The following BCL6 variants were observed in gnomAD, a reference collection of about 807,000 sequenced individuals.
BCL6 encodes BCL6 transcription repressor.
A neutral mutation model predicts 59.5 loss-of-function variants in BCL6; 7 were observed. That is an observed-to-expected ratio of 0.12 (90% CI 0.07 to 0.22). The LOEUF (loss-of-function observed/expected upper bound fraction) is 0.22. Ranked by LOEUF, BCL6 falls within the 10% of genes least tolerant of loss-of-function variation. The pLI is 1.00. For synonymous variants in BCL6, 339 were observed against 349.7 expected (o/e 0.97, Z 0.34); for missense variants, 685 against 939.4 (o/e 0.73, Z 3.54).
At chr3:187,724,822 T>G in intron 9 of BCL6, 119 bp downstream of exon 9, 2 of 1,418,618 alleles carry the variant, frequency 1.4e-6, no homozygotes, top group Non-Finnish European at 9.6e-7. Context: ...ACTGTGTGCT[T>G]GAGATGGGAG....
chr3:187,729,123 G>A lies in BCL6; in HGVS notation c.1282C>T (p.Pro428Ser), dbSNP rs1718882017. The A allele has an allele frequency of 1.3e-6, 2 of 1,581,116 alleles. No homozygotes were observed. The highest frequency in any genetic ancestry group is 1.4e-5 in the African/African-American group (1 of 73,990). ...TCCCCGCTGGCACTCAGCTTGGTTG[G>A]GGACTGGAGGTCAAGGTTCTCAGGC... ...MEPENLDLQS[P>S]TKLSASGEDS... The change falls in exon 5 of 10, where the codon CCA becomes TCA. Residue 428 changes from proline (P) to serine (S), a missense_variant. This residue lies in a region of BCL6 where 207 missense variants were observed against 213.7 expected (regional missense o/e 0.97). Transcript: ENST00000406870. This position sits in a 1 kb window ranked among gnomAD's most constrained non-coding sequence, Gnocchi z 5.6.
chr3:187,735,922 G>T lies in BCL6; in HGVS notation c.-49-1015C>A, dbSNP rs187707015. On this transcript the variant is annotated intron_variant, in intron 1 of 9. Coordinates refer to ENST00000406870, the MANE Select transcript of BCL6 (RefSeq NM_001706.5). ...CAAGGTCATGTTGGGCCATGTACAT[G>T]GTTGGTGACCCGGCCCTAGGTCTTC... Among the ~76,000 whole-genome samples the T allele has an allele frequency of 6.4e-3, 973 of 152,138 alleles. 2 individuals are homozygous for T. The highest frequency in any genetic ancestry group is 9.4e-3 in the Non-Finnish European group (639 of 68,018).
chr3:187,726,685 C>T lies in BCL6; in HGVS notation c.1708+46G>A, dbSNP rs763136543. ...TCTCTAGGATCCTCTCCCTGTCCTGCCCCAATAATTGTGGAGAGTTCGGGT... is the reference window on the plus strand; with the variant it reads ...TCTCTAGGATCCTCTCCCTGTCCTGTCCCAATAATTGTGGAGAGTTCGGGT... On this transcript the variant is annotated intron_variant, in intron 7 of 9. Coordinates refer to ENST00000406870, the MANE Select transcript of BCL6 (RefSeq NM_001706.5). 5.6e-6 allele frequency: 9 copies of T among 1,599,896 alleles called. No homozygotes were observed. The South Asian group carries it at 1.0e-4, about 18-fold the overall frequency.
At chr3:187,726,946 G>A in intron 6 of BCL6, 48 bp from the exon 7 acceptor site, 5 of 1,601,404 alleles carry the variant, frequency 3.1e-6, no homozygotes, top group Non-Finnish European at 4.3e-6. Flanking sequence ...GAGGAAGGGA[G>A]GTAGGGCTCT....
rs1718893624 is a variant in BCL6 at position 187,729,219 on chromosome 3, C to G, written c.1186G>C (p.Glu396Gln). The G allele has an allele frequency of 1.2e-6, 2 of 1,614,022 alleles. No individual in the cohort carries two copies. The highest frequency in any genetic ancestry group is 8.5e-7 in the Non-Finnish European group (1 of 1,180,032). ...LNQNAKPEGPEQAELGRLSPR... is the reference protein window; with the variant it reads ...LNQNAKPEGPQQAELGRLSPR... ...GAAAGGCGGCCCAGCTCAGCCTGCT[C>G]AGGCCCCTCTGGTTTGGCATTCTGG... The change falls in exon 5 of 10, where the codon GAG becomes CAG. Residue 396 changes from glutamate to glutamine, a missense_variant. Around this residue, in one of 7 missense-constraint regions of BCL6, gnomAD observed 207 missense variants for 213.7 expected, o/e 0.97. Transcript: ENST00000406870. The surrounding 1 kb of genome is among the most constrained non-coding windows in gnomAD (Gnocchi z 5.6).
intron 1 of BCL6, among the ~76,000 whole-genome samples, chr3:187,744,881 A>C (rs577764174): frequency 6.6e-6 from 1 of 152,238 alleles, no homozygotes; most frequent in Non-Finnish European, 1.5e-5. Context: ...AGAGATCACA[A>C]GCCGTACGCA....
chr3:187,727,120 T>A (rs1718750423), intron 6 of BCL6, among the ~76,000 whole-genome samples: 1 of 152,220 alleles, frequency 6.6e-6, no homozygotes, highest in African/African-American at 2.4e-5. Context: ...GGAGATGGAC[T>A]GAATTAAGGT....
intron 1 of BCL6, among the ~76,000 whole-genome samples, chr3:187,742,431 A>C (rs1170577154): frequency 6.6e-6 from 1 of 152,224 alleles, no homozygotes; most frequent in Admixed American, 6.5e-5. Flanking sequence ...TTTTCAAGAA[A>C]GCATTGGTAT....
At chr3:187,744,309 T>C (rs533920558) in intron 1 of BCL6, among the ~76,000 whole-genome samples, 2 of 152,214 alleles carry the variant, frequency 1.3e-5, no homozygotes, top group East Asian at 1.9e-4. Context: ...GCAGGTGCAG[T>C]GCGCACCCCT....
At chr3:187,744,885 G>C (rs1711835531) in intron 1 of BCL6, among the ~76,000 whole-genome samples, 1 of 152,138 alleles carries the variant, frequency 6.6e-6, no homozygotes, top group African/African-American at 2.4e-5. Context: ...ATCACAAGCC[G>C]TACGCAAGCA....
intron 6 of BCL6, 32 bp downstream of exon 6, chr3:187,728,328 C>G: frequency 1.3e-6 from 2 of 1,541,154 alleles, no homozygotes; most frequent in Non-Finnish European, 1.8e-6. Flanking sequence ...CTTCCTTCTC[C>G]CTGACAAGAG....
intron 1 of BCL6, chr3:187,736,694 C>G (rs968523038): frequency 2.0e-5 from 3 of 152,184 alleles, no homozygotes; most frequent in Admixed American, 2.0e-4. Context: ...ATACACGAGG[C>G]GCAGGTCCTT....
intron 1 of BCL6, among the ~76,000 whole-genome samples, chr3:187,735,436 T>C (rs73045353): frequency 0.014 from 2,206 of 152,314 alleles, 51 homozygotes; most frequent in African/African-American, 0.05. Flanking sequence ...AGTGGCTTGC[T>C]CAAGACAAAC....
intron 3 of BCL6, 24 bp from the exon 4 acceptor site, chr3:187,731,954 C>G (rs1355580973): frequency 6.3e-7 from 1 of 1,580,766 alleles, no homozygotes; most frequent in Non-Finnish European, 8.7e-7. Flanking sequence ...AAATGTCCCA[C>G]TATAGTAGAC....
intron 2 of BCL6, chr3:187,734,664 A>G (rs1719206262): frequency 6.6e-6 from 1 of 152,544 alleles, no homozygotes; most frequent in African/African-American, 2.4e-5. Flanking sequence ...TTGTACAAAG[A>G]AAGAGTAACA....
At chr3:187,744,873 A>G (rs1711834324) in intron 1 of BCL6, among the ~76,000 whole-genome samples, 1 of 152,302 alleles carries the variant, frequency 6.6e-6, no homozygotes, top group Admixed American at 6.5e-5. Context: ...GAATCCAGAG[A>G]GATCACAAGC....
intron 4 of BCL6, among the ~76,000 whole-genome samples, chr3:187,730,737 C>T (rs553333425): frequency 5.8e-4 from 88 of 152,266 alleles, no homozygotes; most frequent in South Asian, 2.9e-3. Context: ...ATCTTGCCAC[C>T]GTCATCACTC....
At chr3:187,739,259 G>A (rs1711512983) in intron 1 of BCL6, among the ~76,000 whole-genome samples, 1 of 152,226 alleles carries the variant, frequency 6.6e-6, no homozygotes, top group South Asian at 2.1e-4. Context: ...TAATAAGGCT[G>A]CAACTGCCGT....
chr3:187,737,752 CT>C (rs60679881), intron 1 of BCL6: 252 of 83,388 alleles, frequency 3.0e-3, no homozygotes, highest in African/African-American at 7.7e-3. Flanking sequence ...GTGTGTATGC[CT>C]TTTTTTTTTT....
Sources: gnomAD v4.1 joint callset for allele counts (sites outside exome capture counted in the v4.1 genomes callset) on GRCh38, gnomAD v4.1.1 for gene constraint, gnomAD v4.1.1 regional missense constraint, Gnocchi (gnomAD v3.1) non-coding constraint, MANE v1.5 for transcripts, NCBI Gene and HGNC (gene_info 2026-07-23, HGNC 2026-07-21) for gene names.